Variants in FAT3 observed in about 807,000 individuals in gnomAD.
FAT3 encodes the protein protocadherin Fat 3.
FAT3 carries 95 observed loss-of-function variants against 310.2 expected under a neutral mutation model. The observed-to-expected ratio is 0.31, with a 90% CI of 0.26 to 0.36. The LOEUF (loss-of-function observed/expected upper bound fraction) is 0.36, where lower values mean the gene tolerates loss of function less well. FAT3 is among the 10% of genes least tolerant of loss of function. The pLI is 1.00. For missense variants in FAT3, 5,408 were observed against 5,715.6 expected (o/e 0.95, Z 1.74); for synonymous variants, 2,314 against 2,192.9 (o/e 1.06, Z -1.54).
chr11:92,882,629 T>C (rs1343549654), intron 23 of FAT3, 109 bp from the exon 24 acceptor site: 4 of 671,612 alleles, frequency 6.0e-6, no homozygotes, highest in Non-Finnish European at 8.8e-6. Context: ...ATCTGTACCC[T>C]TTAGGTGCAT....
intron 1 of FAT3, among the ~76,000 whole-genome samples, chr11:92,306,618 TTTATA>T (rs1400654497): frequency 1.6e-4 from 20 of 124,810 alleles, no homozygotes; most frequent in African/African-American, 2.1e-4. Context: ...ATATTATATA[TTTATA>T]TTATATTTAT....
At chr11:92,745,106 C>T (rs1035979258) in intron 4 of FAT3, among the ~76,000 whole-genome samples, 1 of 152,164 alleles carries the variant, frequency 6.6e-6, no homozygotes, top group Non-Finnish European at 1.5e-5. Context: ...GGAGCTAAAG[C>T]ATGAGAATCT....
chr11:92,836,604 G>A lies in FAT3; in HGVS notation c.10125G>A (p.Gln3375=). ...AEDVDSQPNG[Q]IHFSIVNGDR... is the part of the protein sequence containing the mutation. ...ATGTAGACAGCCAGCCCAACGGACA[G>A]ATTCATTTTTCCATTGTGAATGGAG... Residue 3375 remains glutamine (Q), a synonymous_variant, in exon 16 of 28, where the codon CAG becomes CAA. Coordinates refer to ENST00000525166, the MANE Select transcript of FAT3 (RefSeq NM_001367949.2). 1.2e-6 allele frequency: 2 copies of A among 1,613,902 alleles called. No homozygotes were observed. Among genetic ancestry groups the A allele is most frequent in the Non-Finnish European group, 1.7e-6 (2 of 1,179,838 alleles).
intron 2 of FAT3, among the ~76,000 whole-genome samples, chr11:92,372,052 A>G (rs369787541): frequency 6.6e-5 from 10 of 151,882 alleles, no homozygotes; most frequent in African/African-American, 2.4e-4. Flanking sequence ...ACTGAGAACC[A>G]CTCTATTTTG....
At chr11:92,407,391 A>T (rs1437028630) in intron 2 of FAT3, among the ~76,000 whole-genome samples, 1 of 152,138 alleles carries the variant, frequency 6.6e-6, no homozygotes, top group African/African-American at 2.4e-5. Flanking sequence ...CATCTCTTAA[A>T]CACCGACAAC....
intron 1 of FAT3, among the ~76,000 whole-genome samples, chr11:92,319,273 A>G (rs1302219896): frequency 1.3e-5 from 2 of 152,208 alleles, no homozygotes; most frequent in East Asian, 3.8e-4. Context: ...TGATCGGGAT[A>G]TAATTGGTTG....
rs79033272 is a variant in FAT3, at chr11:92,241,433, A to G, written c.-18+16259A>G. Among the ~76,000 whole-genome samples, 559 of 152,186 alleles carry G rather than the reference A, an allele frequency of 3.7e-3. 2 individuals are homozygous for G. The highest frequency in any genetic ancestry group is 0.012 in the African/African-American group (513 of 41,546). ...GATGTGTTTCTTTGCTGTTTCAAGT[A>G]TTTTTATGATTGCAAAATACTCTGT... On this transcript the variant is annotated intron_variant, in intron 1 of 27. Coordinates refer to ENST00000525166, the MANE Select transcript of FAT3 (RefSeq NM_001367949.2).
At chr11:92,628,853 G>C (rs1424164047) in intron 3 of FAT3, among the ~76,000 whole-genome samples, 2 of 152,218 alleles carry the variant, frequency 1.3e-5, no homozygotes, top group Admixed American at 1.3e-4. Flanking sequence ...TCTGAAAGAA[G>C]AAGGGTGCAT....
rs368918711 is a variant in FAT3 at position 92,790,091 on chromosome 11, A to G, written c.4484A>G (p.Tyr1495Cys). 8.7e-6 allele frequency: 14 copies of G among 1,613,760 alleles called. No homozygotes were observed. Among genetic ancestry groups the G allele is most frequent in the Non-Finnish European group, 1.1e-5 (13 of 1,179,776 alleles). ...AGAGATGAGAAGCACAAGCTGAGCT[A>G]CACTGTTCATAGCAGCATCGACTCC... ...TDRDEKHKLS[Y>C]TVHSSIDSIS... Residue 1495 changes from tyrosine (Y) to cysteine (C), a missense_variant, in exon 8 of 28, where the codon TAC becomes TGC. This residue lies in a region of FAT3 where 4,588 missense variants were observed against 4,809.8 expected (regional missense o/e 0.95). Transcript: ENST00000525166.
At chr11:92,515,388 T>G (rs1953444301) in intron 2 of FAT3, among the ~76,000 whole-genome samples, 1 of 152,152 alleles carries the variant, frequency 6.6e-6, no homozygotes, top group African/African-American at 2.4e-5. Context: ...AAAAAGTATC[T>G]TTTTATGATT....
chr11:92,837,990 T>C (rs746335984), intron 17 of FAT3, among the ~76,000 whole-genome samples, 184 bp downstream of exon 17: 7 of 152,212 alleles, frequency 4.6e-5, no homozygotes, highest in Non-Finnish European at 1.0e-4. Context: ...GTAAGAGCTA[T>C]TGAGGGGTGG....
At chr11:92,658,016 A>G (rs1319154152) in intron 3 of FAT3, among the ~76,000 whole-genome samples, 1 of 152,250 alleles carries the variant, frequency 6.6e-6, no homozygotes, top group Non-Finnish European at 1.5e-5. Context: ...AAAATAATTT[A>G]ACAACATATT....
In FAT3 at chr11:92,499,717, G is replaced by GTA. The variant is rs1439337605; in HGVS notation, c.3293-24916_3293-24915insAT. ...GTCTTGATCTTGTGTGTGTGTATGT[G>GTA]TGTGTATGTGTGTGTGTGTGTGTGT... On this transcript the variant is annotated intron_variant, in intron 2 of 27. Transcript: ENST00000525166. Among the ~76,000 whole-genome samples the GTA allele has an allele frequency of 9.5e-5, 11 of 115,852 alleles. No individual in the cohort carries two copies. The South Asian group carries it at 1.7e-3, about 18-fold the overall frequency. The allele number at this position is 115,852 out of a possible 152,430, so 76.0% of individuals were successfully genotyped here. A position where few individuals can be genotyped will look rare whatever the true frequency, so the allele number is the denominator to read the frequency against.
intron 7 of FAT3, among the ~76,000 whole-genome samples, chr11:92,783,677 T>A (rs1338432682): frequency 6.6e-6 from 1 of 150,740 alleles, no homozygotes; most frequent in African/African-American, 2.4e-5. Context: ...GGTGGTGCAG[T>A]CCAATTGTCC....
intron 4 of FAT3, among the ~76,000 whole-genome samples, chr11:92,743,455 C>T (rs1336430231): frequency 2.6e-5 from 4 of 152,114 alleles, no homozygotes; most frequent in African/African-American, 9.7e-5. Flanking sequence ...GAGCTTGACA[C>T]CAAGGGTAGA....
chr11:92,307,782 C>T (rs1433027725), intron 1 of FAT3, among the ~76,000 whole-genome samples: 3 of 152,092 alleles, frequency 2.0e-5, no homozygotes, highest in Non-Finnish European at 2.9e-5. Flanking sequence ...ATTCCTGTCA[C>T]TTATTAATTT....
At chr11:92,496,351 A>T (rs1328760057) in intron 2 of FAT3, among the ~76,000 whole-genome samples, 12 of 151,764 alleles carry the variant, frequency 7.9e-5, no homozygotes, top group Admixed American at 7.9e-4. Flanking sequence ...TCTCCACCGC[A>T]CCCTCTGCTG....
At chr11:92,612,249 G>T (rs868247758) in intron 3 of FAT3, among the ~76,000 whole-genome samples, 2 of 152,020 alleles carry the variant, frequency 1.3e-5, no homozygotes, top group South Asian at 4.2e-4. Context: ...ATGACAATTG[G>T]TCACTTTTCT....
intron 14 of FAT3, among the ~76,000 whole-genome samples, chr11:92,834,092 T>G (rs1948336343): frequency 6.6e-6 from 1 of 152,210 alleles, no homozygotes; most frequent in African/African-American, 2.4e-5. Flanking sequence ...AGAAGTGTTC[T>G]GCAGGCAATA....
Sources: allele counts gnomAD v4.1 joint callset (sites outside exome capture counted in the v4.1 genomes callset), GRCh38; gene constraint gnomAD v4.1.1; regional missense constraint gnomAD v4.1.1; transcripts MANE v1.5; gene names NCBI Gene and HGNC (gene_info 2026-07-23, HGNC 2026-07-21).